The following LDLRAD4 variants were observed in gnomAD, a reference collection of about 807,000 sequenced individuals.
The protein encoded by LDLRAD4 is low density lipoprotein receptor class A domain containing 4.
A neutral mutation model predicts 17.0 loss-of-function variants in LDLRAD4; 5 were observed. The observed-to-expected ratio is 0.29, with a 90% CI of 0.15 to 0.62. LDLRAD4 has a LOEUF of 0.62. Among genes scored for constraint, LDLRAD4 ranks in the 20% least tolerant of loss-of-function variants. The pLI is 0.84. For synonymous variants in LDLRAD4, 168 were observed against 171.8 expected, an observed-to-expected ratio of 0.98 and a Z score of 0.17; for missense variants, 340 against 424.7, an observed-to-expected ratio of 0.80 and a Z score of 1.75.
At chr18:13,519,531 C>T (rs138036728) in intron 3 of LDLRAD4, among the ~76,000 whole-genome samples, 25 of 152,274 alleles carry the variant, frequency 1.6e-4, no homozygotes, top group Admixed American at 4.6e-4. Context: ...AAGGCCGAGG[C>T]GGGCAGATTG....
intron 3 of LDLRAD4, among the ~76,000 whole-genome samples, chr18:13,540,157 A>G (rs1049342047): frequency 4.6e-5 from 7 of 152,272 alleles, no homozygotes; most frequent in Admixed American, 3.3e-4. Context: ...GTTTGTTTTC[A>G]TGCCAAATCT....
At chr18:13,623,646 G>A (rs2040857505) in intron 4 of LDLRAD4, among the ~76,000 whole-genome samples, 1 of 152,252 alleles carries the variant, frequency 6.6e-6, no homozygotes, top group Non-Finnish European at 1.5e-5. Flanking sequence ...CCGATCTGGT[G>A]TATTAGCCCA....
chr18:13,489,938 A>C (rs1185215279), intron 3 of LDLRAD4: 2 of 152,220 alleles, frequency 1.3e-5, no homozygotes, highest in East Asian at 3.8e-4. Flanking sequence ...AAAGTTGCAT[A>C]TATCTCTTTT....
At chr18:13,319,139 CT>C (rs1218814905) in intron 1 of LDLRAD4, among the ~76,000 whole-genome samples, 3 of 152,316 alleles carry the variant, frequency 2.0e-5, no homozygotes, top group African/African-American at 7.2e-5. Flanking sequence ...CTATTAAATA[CT>C]TCATAGTATT....
rs1472189812 is a variant in LDLRAD4, at chr18:13,645,615, A to G, written c.879A>G (p.Val293=). The G allele has an allele frequency of 6.5e-7, 1 of 1,531,098 alleles. No individual in the cohort carries two copies. Among genetic ancestry groups the G allele is most frequent in the Admixed American group, 2.1e-5 (1 of 46,582 alleles). The allele number at this position is 1,531,098 out of a possible 1,614,324, so 94.8% of individuals were successfully genotyped here. A position where few individuals can be genotyped will look rare whatever the true frequency, so the allele number is the denominator to read the frequency against. ...AGAACAATGCAGAGAGCACAATAGT[A>G]CCCATCAAAGGCAAAGATAGGAAGC... Residue 293 remains valine (V), a synonymous_variant, in exon 6 of 6, where the codon GTA becomes GTG. Transcript: ENST00000359446. This position sits in a 1 kb window ranked among gnomAD's most constrained non-coding sequence, Gnocchi z 5.7.
intron 1 of LDLRAD4, among the ~76,000 whole-genome samples, chr18:13,334,825 C>G (rs1023345988): frequency 2.6e-5 from 4 of 152,098 alleles, no homozygotes; most frequent in Non-Finnish European, 5.9e-5. Flanking sequence ...ATGATATTAG[C>G]TGGTTTTTTG....
intron 1 of LDLRAD4, among the ~76,000 whole-genome samples, chr18:13,284,214 C>A (rs2045472552): frequency 6.6e-6 from 1 of 152,130 alleles, no homozygotes; most frequent in African/African-American, 2.4e-5. Flanking sequence ...TGCCAGCCCG[C>A]AGGAAGAAAG....
At chr18:13,380,319 C>A (rs1435397912) in intron 1 of LDLRAD4, among the ~76,000 whole-genome samples, 1 of 152,232 alleles carries the variant, frequency 6.6e-6, no homozygotes, top group African/African-American at 2.4e-5. Flanking sequence ...GCACGGCTGT[C>A]TTCCTAGCAT....
chr18:13,225,486 C>T (rs577745102), intron 1 of LDLRAD4, among the ~76,000 whole-genome samples: 6 of 152,320 alleles, frequency 3.9e-5, no homozygotes, highest in Middle Eastern at 3.4e-3. Flanking sequence ...GATTAAGTTA[C>T]GGTTGAGGAG....
intron 1 of LDLRAD4, among the ~76,000 whole-genome samples, chr18:13,323,296 G>C (rs752141224): frequency 1.8e-4 from 27 of 152,354 alleles, no homozygotes; most frequent in Admixed American, 3.3e-4. Context: ...CACTGCGCCT[G>C]GCTGCAGCAT....
chr18:13,618,345 G>A (rs911312599), intron 3 of LDLRAD4, among the ~76,000 whole-genome samples: 1 of 152,230 alleles, frequency 6.6e-6, no homozygotes, highest in Admixed American at 6.5e-5. Flanking sequence ...TGTGGGTTGG[G>A]ATGGGAGACT....
At chr18:13,341,558 T>A (rs185227979) in intron 1 of LDLRAD4, among the ~76,000 whole-genome samples, 2 of 152,172 alleles carry the variant, frequency 1.3e-5, no homozygotes, top group Non-Finnish European at 2.9e-5. Context: ...ATGCAGCTGA[T>A]ACTTGCATGC....
chr18:13,570,154 T>C (rs555316021), intron 3 of LDLRAD4, among the ~76,000 whole-genome samples: 18 of 152,212 alleles, frequency 1.2e-4, no homozygotes, highest in Admixed American at 2.6e-4. Context: ...TGATAGAAGG[T>C]GACGTTTTCA....
chr18:13,543,693 A>G (rs1437285226), intron 3 of LDLRAD4: 1 of 152,088 alleles, frequency 6.6e-6, no homozygotes, highest in Non-Finnish European at 1.5e-5. Context: ...AGTCACCTGG[A>G]GTTTGTTGGT....
At chr18:13,397,843 T>C (rs2086826798) in intron 2 of LDLRAD4, among the ~76,000 whole-genome samples, 1 of 152,156 alleles carries the variant, frequency 6.6e-6, no homozygotes, top group Non-Finnish European at 1.5e-5. Flanking sequence ...TTGCAGAAAA[T>C]TCAGGGTGTT....
Position 13,401,297 on chromosome 18 carries a change from CTG to C in LDLRAD4, c.40+13537_40+13538del, listed in dbSNP as rs2087165257. On this transcript the variant is annotated intron_variant, in intron 2 of 5. Coordinates refer to ENST00000359446, the Ensembl canonical transcript of LDLRAD4. Reference sequence around the variant, plus strand: ...AAAGGAAGGGAGAAGCTGGGTAAGACTGTCAGTTTTGGCTAGGAATGTTTGCT... The same window carrying C: ...AAAGGAAGGGAGAAGCTGGGTAAGACTCAGTTTTGGCTAGGAATGTTTGCT... Among the ~76,000 whole-genome samples, 5 of 151,102 alleles carry C rather than the reference CTG, an allele frequency of 3.3e-5. No homozygotes were observed. In the South Asian group the frequency reaches 1.0e-3, roughly 32 times the overall value.
intron 3 of LDLRAD4, among the ~76,000 whole-genome samples, chr18:13,518,361 A>G (rs2093902081): frequency 6.6e-6 from 1 of 152,172 alleles, no homozygotes; most frequent in African/African-American, 2.4e-5. Context: ...CTTGTATTAT[A>G]TTCTTCATTC....
At chr18:13,441,875 A>ATAT (rs1284083795) in intron 3 of LDLRAD4, among the ~76,000 whole-genome samples, 5 of 152,140 alleles carry the variant, frequency 3.3e-5, no homozygotes, top group Non-Finnish European at 7.4e-5. Context: ...GGTTGGACCG[A>ATAT]GGCTGCTTTA....
chr18:13,460,781 A>G (rs78425014), intron 3 of LDLRAD4, among the ~76,000 whole-genome samples: 3,213 of 152,288 alleles, frequency 0.021, 196 homozygotes, highest in East Asian at 0.18. Flanking sequence ...TTTTAATATT[A>G]TATACATATA....
Sources: allele counts gnomAD v4.1 joint callset (sites outside exome capture counted in the v4.1 genomes callset), GRCh38; gene constraint gnomAD v4.1.1; non-coding constraint Gnocchi (gnomAD v3.1); transcripts MANE v1.5; gene names NCBI Gene and HGNC (gene_info 2026-07-23, HGNC 2026-07-21).